ANKRD28: variants seen among roughly 807,000 people sequenced by gnomAD.
ANKRD28 encodes ankyrin repeat domain 28.
Under a neutral mutation model 126.5 loss-of-function variants are expected in ANKRD28, and 44 were observed. That is an observed-to-expected ratio of 0.35 (90% CI 0.27 to 0.45). The LOEUF is 0.45. Among genes scored for constraint, ANKRD28 ranks in the 20% least tolerant of loss-of-function variants. ANKRD28 has a pLI of 1.00. For synonymous variants in ANKRD28, 442 were observed against 468.5 expected (o/e 0.94, Z 0.73); for missense variants, 1,110 against 1,316.6 (o/e 0.84, Z 2.43).
chr3:15,720,100 G>A (rs1002265466), intron 8 of ANKRD28, among the ~76,000 whole-genome samples: 1 of 152,132 alleles, frequency 6.6e-6, no homozygotes, highest in African/African-American at 2.4e-5. Context: ...CTAGGCTCAA[G>A]TGATCCTCCT....
chr3:15,765,797 GCCA>G (rs887489206), intron 3 of ANKRD28, among the ~76,000 whole-genome samples: 3 of 148,730 alleles, frequency 2.0e-5, no homozygotes, highest in African/African-American at 7.5e-5. Context: ...CTGAGATCGT[GCCA>G]CTATACCCTG....
At chr3:15,744,766 T>G (rs978645722) in intron 4 of ANKRD28, among the ~76,000 whole-genome samples, 1 of 152,228 alleles carries the variant, frequency 6.6e-6, no homozygotes, top group African/African-American at 2.4e-5. Context: ...GATATCTAAG[T>G]GGTGGGATTG....
intron 1 of ANKRD28, among the ~76,000 whole-genome samples, chr3:15,837,173 G>C (rs1487136381): frequency 1.3e-5 from 2 of 150,328 alleles, no homozygotes; most frequent in East Asian, 3.9e-4. Context: ...TCAAAAAAAT[G>C]ACAGAAATGA....
intron 1 of ANKRD28, among the ~76,000 whole-genome samples, chr3:15,847,401 T>C (rs1475183055): frequency 2.0e-5 from 3 of 152,204 alleles, no homozygotes; most frequent in Admixed American, 6.5e-5. Context: ...TTTTCCATGA[T>C]ACTCTGCTGG....
Position 15,669,950 on chromosome 3 carries a change from T to C in ANKRD28, c.*320A>G. 1 of 231,516 alleles carries C rather than the reference T, an allele frequency of 4.3e-6. No individual in the cohort carries two copies. The highest frequency in any genetic ancestry group is 8.5e-6 in the Non-Finnish European group (1 of 118,038). 14.3% of individuals were successfully genotyped at this position (231,516 alleles called of 1,614,324 possible). A position where few individuals can be genotyped will look rare whatever the true frequency, so the allele number is the denominator to read the frequency against. ...AGTGTCTTTATTTCTTCTGTTACAA[T>C]AGTGTTGCTTGTGTAAGCAGGTTAG... On this transcript the variant is annotated 3_prime_UTR_variant, in exon 28 of 28. Transcript: ENST00000683139.
rs2125960617 is a variant in ANKRD28, at chr3:15,838,625, G to A, written c.27+20752C>T. The stretch of plus-strand genomic sequence containing the variant: ...TAGTCGGGCATGGTGGCACATGCCT[G>A]TAATCCCAGCTACTTGGGAGGCTGA... On this transcript the variant is annotated intron_variant, in intron 1 of 27. Transcript: ENST00000399451. The surrounding 1 kb of genome is among the most constrained non-coding windows in gnomAD (Gnocchi z 4.0). Among the ~76,000 whole-genome samples, 1 of 152,114 alleles carries A rather than the reference G, an allele frequency of 6.6e-6. No homozygotes were observed. The highest frequency in any genetic ancestry group is 1.5e-5 in the Non-Finnish European group (1 of 68,006).
At chr3:15,768,782 G>A (rs1176652728) in intron 2 of ANKRD28, among the ~76,000 whole-genome samples, 2 of 152,206 alleles carry the variant, frequency 1.3e-5, no homozygotes, top group South Asian at 4.1e-4. Flanking sequence ...TTCCAGTAAA[G>A]GGAGGTTGAT....
intron 6 of ANKRD28, among the ~76,000 whole-genome samples, chr3:15,733,909 A>G (rs13318136): frequency 0.041 from 6,224 of 152,330 alleles, 416 homozygotes; most frequent in African/African-American, 0.14. Flanking sequence ...GTGGGTATCT[A>G]TAACTGGTTT....
intron 1 of ANKRD28, among the ~76,000 whole-genome samples, chr3:15,837,894 G>GA (rs60317341): frequency 0.019 from 1,819 of 94,148 alleles, 21 homozygotes; most frequent in African/African-American, 0.051. Context: ...AAGCTAACCA[G>GA]AAAAAAAAAA....
At chr3:15,841,479 A>G (rs1466567484) in intron 1 of ANKRD28, among the ~76,000 whole-genome samples, 1 of 152,224 alleles carries the variant, frequency 6.6e-6, no homozygotes, top group Non-Finnish European at 1.5e-5. Context: ...AATAATCAAC[A>G]AAGTGAAGAG....
At chr3:15,711,386 G>T in intron 11 of ANKRD28, 112 bp from the exon 12 acceptor site, 1 of 818,724 alleles carries the variant, frequency 1.2e-6, no homozygotes, top group South Asian at 1.8e-5. Flanking sequence ...ACAAAACTAT[G>T]GGTTCTTAAG....
chr3:15,850,204 AATAT>A lies in ANKRD28; in HGVS notation c.27+9169_27+9172del, dbSNP rs1226795631. 1.6e-4 allele frequency among the ~76,000 whole-genome samples: 9 copies of A among 54,834 alleles called. No individual in the cohort carries two copies. In the South Asian group the frequency reaches 1.9e-3, roughly 12 times the overall value. 36.0% of individuals were successfully genotyped at this position (54,834 alleles called of 152,430 possible). The stretch of plus-strand genomic sequence containing the variant: ...TCTACATGCAATAAAAAAAAAAAAA[AATAT>A]ATATATATATATATATAGAGAGAGA... On this transcript the variant is annotated intron_variant, in intron 1 of 27. Transcript: ENST00000399451.
At chr3:15,724,031 A>C (rs1391531234) in intron 7 of ANKRD28, among the ~76,000 whole-genome samples, 11 of 152,236 alleles carry the variant, frequency 7.2e-5, no homozygotes, top group Admixed American at 6.5e-4. Context: ...AGAGAGTATG[A>C]GACTAGGCAA....
chr3:15,763,051 T>C (rs73038253), intron 3 of ANKRD28, among the ~76,000 whole-genome samples: 1 of 152,314 alleles, frequency 6.6e-6, no homozygotes, highest in Non-Finnish European at 1.5e-5. Flanking sequence ...TTCTTTATTT[T>C]TTTTGTTTAT....
At chr3:15,848,748 A>G (rs2061578317) in intron 1 of ANKRD28, among the ~76,000 whole-genome samples, 2 of 152,178 alleles carry the variant, frequency 1.3e-5, no homozygotes, top group African/African-American at 2.4e-5. Context: ...CAACCTAATA[A>G]AAACCATCTA....
chr3:15,803,058 G>A (rs2060496460), intron 1 of ANKRD28, among the ~76,000 whole-genome samples: 1 of 152,226 alleles, frequency 6.6e-6, no homozygotes, highest in Non-Finnish European at 1.5e-5. Context: ...TGCAGTTGGA[G>A]AAGTGGGTAT....
At chr3:15,680,846 T>C (rs1441791205) in intron 21 of ANKRD28, among the ~76,000 whole-genome samples, 2 of 152,082 alleles carry the variant, frequency 1.3e-5, no homozygotes, top group Admixed American at 1.3e-4. Flanking sequence ...TTTTGATATT[T>C]TGTAGAGATG....
chr3:15,759,546 T>C (rs571134837), intron 3 of ANKRD28, among the ~76,000 whole-genome samples: 1 of 152,122 alleles, frequency 6.6e-6, no homozygotes, highest in East Asian at 1.9e-4. Context: ...AATCTTAGAG[T>C]TGCATCATGT....
chr3:15,804,826 G>A (rs1250454495), intron 1 of ANKRD28, among the ~76,000 whole-genome samples: 2 of 145,586 alleles, frequency 1.4e-5, no homozygotes, highest in Non-Finnish European at 3.0e-5. Flanking sequence ...TGATCCAGAT[G>A]TGGAACTGGG....
Sources: gnomAD v4.1 joint callset for allele counts (sites outside exome capture counted in the v4.1 genomes callset) on GRCh38, gnomAD v4.1.1 for gene constraint, Gnocchi (gnomAD v3.1) non-coding constraint, MANE v1.5 for transcripts, NCBI Gene and HGNC (gene_info 2026-07-23, HGNC 2026-07-21) for gene names.